ADAMTSL1: variants seen among roughly 807,000 people sequenced by gnomAD.
ADAMTSL1 encodes the protein ADAMTS like 1, also known as ADAMTS-like protein 1.
ADAMTSL1 carries 126 observed loss-of-function variants against 201.8 expected under a neutral mutation model. The ratio of observed to expected loss-of-function variants is 0.62; its 90% CI spans 0.54 to 0.72. ADAMTSL1 has a LOEUF of 0.72. ADAMTSL1 is among the 30% of genes least tolerant of loss of function. ADAMTSL1 has a pLI of 0.00. For missense variants in ADAMTSL1, 2,679 were observed against 2,277.8 expected (o/e 1.18, Z -3.59); for synonymous variants, 1,121 against 903.4 (o/e 1.24, Z -4.32).
intron 2 of ADAMTSL1, among the ~76,000 whole-genome samples, chr9:18,307,385 A>C (rs1482701148): frequency 6.6e-6 from 1 of 152,190 alleles, no homozygotes; most frequent in African/African-American, 2.4e-5. Context: ...GCCCCAATTA[A>C]GACACAGACT....
At chr9:18,198,140 A>T (rs1010415301) in intron 2 of ADAMTSL1, among the ~76,000 whole-genome samples, 4 of 152,164 alleles carry the variant, frequency 2.6e-5, no homozygotes, top group Non-Finnish European at 5.9e-5. Context: ...CGTTAGACCT[A>T]AAACCATAAA....
chr9:18,080,643 G>C (rs187535944), intron 1 of ADAMTSL1, among the ~76,000 whole-genome samples: 1 of 152,262 alleles, frequency 6.6e-6, no homozygotes, highest in Non-Finnish European at 1.5e-5. Context: ...TTATGATCAA[G>C]TCAAGCTATT....
intron 2 of ADAMTSL1, among the ~76,000 whole-genome samples, chr9:18,221,115 A>C (rs537239118): frequency 1.1e-4 from 17 of 152,266 alleles, no homozygotes; most frequent in Middle Eastern, 3.4e-3. Context: ...TTGTTAAAGA[A>C]AATCTAAATT....
intron 20 of ADAMTSL1, 149 bp from the exon 21 acceptor site, chr9:18,816,960 G>A (rs1191533620): frequency 1.1e-6 from 1 of 950,716 alleles, no homozygotes; most frequent in Non-Finnish European, 1.5e-6. Context: ...TTTATACTGT[G>A]CGCTTGCAAT....
chr9:18,641,177 AT>A (rs1827411993), intron 7 of ADAMTSL1, among the ~76,000 whole-genome samples: 1 of 151,992 alleles, frequency 6.6e-6, no homozygotes, highest in Non-Finnish European at 1.5e-5. Context: ...GTCTTCTTCC[AT>A]TCTCTTCACT....
chr9:18,468,493 T>C (rs1821090958), intron 2 of ADAMTSL1, among the ~76,000 whole-genome samples: 1 of 152,122 alleles, frequency 6.6e-6, no homozygotes, highest in African/African-American at 2.4e-5. Flanking sequence ...TATCTCCTAC[T>C]TGTATCAGGC....
At chr9:18,051,751 T>C (rs1821951776) in intron 1 of ADAMTSL1, among the ~76,000 whole-genome samples, 2 of 152,212 alleles carry the variant, frequency 1.3e-5, no homozygotes, top group South Asian at 4.1e-4. Context: ...TGTCAGAATT[T>C]TGGTTCACAT....
chr9:18,239,621 G>A (rs1370432516), intron 2 of ADAMTSL1, among the ~76,000 whole-genome samples: 1 of 152,050 alleles, frequency 6.6e-6, no homozygotes, highest in African/African-American at 2.4e-5. Context: ...GGTGGTGCAT[G>A]TCTGTAATCC....
chr9:18,459,473 A>G (rs922005436), intron 2 of ADAMTSL1, among the ~76,000 whole-genome samples: 7 of 152,072 alleles, frequency 4.6e-5, no homozygotes, highest in South Asian at 2.1e-4. Flanking sequence ...ATAAATATTT[A>G]TTGACTATCT....
At chr9:18,366,029 C>G (rs1309617572) in intron 2 of ADAMTSL1, among the ~76,000 whole-genome samples, 1 of 152,096 alleles carries the variant, frequency 6.6e-6, no homozygotes, top group Non-Finnish European at 1.5e-5. Flanking sequence ...CGAAACCAGT[C>G]TCTGGTGACA....
intron 7 of ADAMTSL1, among the ~76,000 whole-genome samples, chr9:18,643,326 A>G (rs1428467780): frequency 1.3e-5 from 2 of 151,956 alleles, no homozygotes; most frequent in South Asian, 2.1e-4. Context: ...TTAGCCCCTT[A>G]TCAGAAGTGT....
chr9:18,202,525 G>A (rs910322810), intron 2 of ADAMTSL1, among the ~76,000 whole-genome samples: 1 of 152,092 alleles, frequency 6.6e-6, no homozygotes, highest in African/African-American at 2.4e-5. Flanking sequence ...AAGACTCTCT[G>A]CCCACTGGCA....
chr9:18,567,853 A>G (rs1201485219), intron 3 of ADAMTSL1, among the ~76,000 whole-genome samples: 1 of 152,194 alleles, frequency 6.6e-6, no homozygotes, highest in African/African-American at 2.4e-5. Context: ...TAGCAAAAAT[A>G]ATAAAATAGA....
chr9:18,735,333 A>G (rs73417123), intron 15 of ADAMTSL1, among the ~76,000 whole-genome samples: 5,383 of 152,306 alleles, frequency 0.035, 109 homozygotes, highest in African/African-American at 0.056. Flanking sequence ...CCGTGAAACT[A>G]GGTGTTATAG....
chr9:18,050,474 A>T (rs2131664577), intron 1 of ADAMTSL1, among the ~76,000 whole-genome samples: 1 of 152,354 alleles, frequency 6.6e-6, no homozygotes, highest in South Asian at 2.1e-4. Flanking sequence ...ATCTAGCATC[A>T]ATTCAGATGC....
intron 23 of ADAMTSL1, among the ~76,000 whole-genome samples, chr9:18,855,771 A>C (rs1588244724): frequency 6.6e-6 from 1 of 152,274 alleles, no homozygotes; most frequent in Non-Finnish European, 1.5e-5. Flanking sequence ...TTTTGTTTCC[A>C]AGGAGATAAG....
rs1829128558 is a variant in ADAMTSL1, at chr9:18,662,044, G to C, written c.1056G>C (p.Gln352His). ...PENIKPKPKLQECNLDPCPAS... is the reference protein window; with the variant it reads ...PENIKPKPKLHECNLDPCPAS... The stretch of plus-strand genomic sequence containing the variant: ...ACATCAAACCCAAACCCAAGCTTCA[G>C]GAGTGCAACTTGGATCCTTGTCCAG... Residue 352 changes from glutamine (Q) to histidine (H), a missense_variant, in exon 9 of 29, where the codon CAG (glutamine) becomes CAC (histidine). Transcript: ENST00000380548. 6.2e-7 allele frequency: 1 copy of C among 1,613,912 alleles called. No individual in the cohort carries two copies. The highest frequency in any genetic ancestry group is 8.5e-7 in the Non-Finnish European group (1 of 1,179,892).
intron 15 of ADAMTSL1, among the ~76,000 whole-genome samples, chr9:18,750,369 A>G (rs961535125): frequency 1.3e-5 from 2 of 152,202 alleles, no homozygotes; most frequent in African/African-American, 4.8e-5. Flanking sequence ...TATGATATAA[A>G]TCACACAGTA....
intron 14 of ADAMTSL1, among the ~76,000 whole-genome samples, chr9:18,707,363 C>G (rs942232534): frequency 1.3e-5 from 2 of 152,230 alleles, no homozygotes; most frequent in East Asian, 3.9e-4. Flanking sequence ...CCTGGCCGTG[C>G]TCTCAACATT....
Sources: gnomAD v4.1 joint callset for allele counts (sites outside exome capture counted in the v4.1 genomes callset) on GRCh38, gnomAD v4.1.1 for gene constraint, MANE v1.5 for transcripts, NCBI Gene and HGNC (gene_info 2026-07-23, HGNC 2026-07-21) for gene names.